The following NLRP14 variants were observed in gnomAD, a reference collection of about 807,000 sequenced individuals.
The protein encoded by NLRP14 is NLR family pyrin domain containing 14, also known as NACHT, LRR and PYD domains-containing protein 14.
A neutral mutation model predicts 94.7 loss-of-function variants in NLRP14; 105 were observed. That is an observed-to-expected ratio of 1.11 (90% confidence interval 0.95 to 1.30). NLRP14 has a LOEUF of 1.30. NLRP14 is among the 50% of genes most tolerant of loss of function. NLRP14 has a pLI of 0.00. For missense variants in NLRP14, 1,362 were observed against 1,254.1 expected (o/e 1.09, Z -1.30); for synonymous variants, 508 against 459.9 (o/e 1.10, Z -1.34).
intron 10 of NLRP14, among the ~76,000 whole-genome samples, chr11:7,068,138 T>C (rs1852734481): frequency 6.6e-6 from 1 of 152,166 alleles, no homozygotes; most frequent in Admixed American, 6.5e-5. Flanking sequence ...TCATTTCTGA[T>C]ATTGAATTTG....
chr11:7,089,461 G>A, the NLRP14 span: 4 of 1,317,402 alleles, frequency 3.0e-6, no homozygotes, highest in Non-Finnish European at 3.9e-6. Context: ...ACCCGCGGGG[G>A]TGGCGGCGGC....
At chr11:7,021,571 G>T (rs1851936219) in intron 1 of NLRP14, among the ~76,000 whole-genome samples, 1 of 152,112 alleles carries the variant, frequency 6.6e-6, no homozygotes, top group Non-Finnish European at 1.5e-5. Flanking sequence ...CTAGGTGGTG[G>T]TAAGCAAGTT....
the NLRP14 span, chr11:7,090,397 A>G: frequency 1.4e-5 from 19 of 1,396,538 alleles, no homozygotes; most frequent in Non-Finnish European, 1.7e-5. Context: ...TACAAGGAAG[A>G]GTTGTTTTTA....
chr11:7,054,705 C>A (rs1292181823), intron 6 of NLRP14, among the ~76,000 whole-genome samples: 4 of 151,906 alleles, frequency 2.6e-5, no homozygotes, highest in Admixed American at 1.3e-4. Context: ...CGTTATTAGC[C>A]CCTTGTCAAA....
intron 6 of NLRP14, among the ~76,000 whole-genome samples, chr11:7,053,986 T>G (rs1852481530): frequency 6.6e-6 from 1 of 152,198 alleles, no homozygotes; most frequent in Non-Finnish European, 1.5e-5. Flanking sequence ...ACCATCATTC[T>G]ACTCTCTATG....
At chr11:7,081,151 G>C in the NLRP14 span, among the ~76,000 whole-genome samples, 8 of 152,190 alleles carry the variant, frequency 5.3e-5, no homozygotes. Context: ...TTATGGTCAT[G>C]CTGACCTTAG....
At chr11:7,058,231 C>A (rs1383861472) in intron 7 of NLRP14, 49 bp from the exon 8 acceptor site, 1 of 1,506,820 alleles carries the variant, frequency 6.6e-7, no homozygotes, top group Non-Finnish European at 9.2e-7. Context: ...AGAAGAGAAG[C>A]ATGGGCTTTG....
At chr11:7,087,582 C>T in the NLRP14 span, among the ~76,000 whole-genome samples, 99,950 of 152,022 alleles carry the variant, frequency 0.66, 33,427 homozygotes, top group East Asian at 0.93. Flanking sequence ...GATATACACA[C>T]GTAAAATTAA....
chr11:7,078,253 A>G, the NLRP14 span, among the ~76,000 whole-genome samples: 4 of 151,616 alleles, frequency 2.6e-5, no homozygotes, highest in South Asian at 2.1e-4. Context: ...CCTGGCTAAC[A>G]TGGCAAAACC....
At chr11:7,078,202 G>T in the NLRP14 span, among the ~76,000 whole-genome samples, 3 of 151,950 alleles carry the variant, frequency 2.0e-5, no homozygotes, top group African/African-American at 4.8e-5. Flanking sequence ...ACTTTGGGAG[G>T]CCAAGACGGG....
the NLRP14 span, among the ~76,000 whole-genome samples, chr11:7,087,130 A>C: frequency 1.3e-5 from 2 of 152,274 alleles, no homozygotes; most frequent in African/African-American, 4.8e-5. Flanking sequence ...TCAGGAGCCA[A>C]AGCTCATTCT....
At chr11:7,067,111 A>T (rs1852716972) in intron 10 of NLRP14, among the ~76,000 whole-genome samples, 1 of 152,142 alleles carries the variant, frequency 6.6e-6, no homozygotes. Flanking sequence ...GTAGTCTTGT[A>T]GTACAGTTTG....
At chr11:7,049,209 C>T (rs1176929325) in intron 5 of NLRP14, among the ~76,000 whole-genome samples, 1 of 152,188 alleles carries the variant, frequency 6.6e-6, no homozygotes. Flanking sequence ...TTTGCTTGGG[C>T]TGCCTCCGTA....
intron 2 of NLRP14, among the ~76,000 whole-genome samples, chr11:7,039,474 C>T (rs1852214872): frequency 6.6e-6 from 1 of 152,018 alleles, no homozygotes; most frequent in South Asian, 2.1e-4. Context: ...ACACTATTTG[C>T]CCTGGAGCTA....
intron 1 of NLRP14, among the ~76,000 whole-genome samples, chr11:7,027,392 T>A (rs1209254835): frequency 1.3e-5 from 2 of 152,050 alleles, no homozygotes; most frequent in South Asian, 2.1e-4. Flanking sequence ...TTTATGGCTG[T>A]CTTCTTGTAG....
chr11:7,037,072 G>T (rs1852172273), intron 1 of NLRP14, among the ~76,000 whole-genome samples: 1 of 152,126 alleles, frequency 6.6e-6, no homozygotes, highest in Non-Finnish European at 1.5e-5. Flanking sequence ...GATACCTGCA[G>T]ATTTCTAGAA....
intron 1 of NLRP14, among the ~76,000 whole-genome samples, chr11:7,038,309 A>T (rs140572793): frequency 6.6e-6 from 1 of 152,222 alleles, no homozygotes; most frequent in African/African-American, 2.4e-5. Flanking sequence ...CTTTATTTAT[A>T]TAGCTCATAA....
rs568194782 is a variant in NLRP14 at position 7,059,895 on chromosome 11, C to T, written c.2635C>T (p.Leu879=). The T allele has an allele frequency of 2.5e-6, 4 of 1,611,308 alleles. No individual in the cohort carries two copies. The highest frequency in any genetic ancestry group is 3.4e-6 in the Non-Finnish European group (4 of 1,177,914). The change falls in exon 9 of 12, where the codon CTG becomes TTG. Residue 879 remains leucine, a splice_region_variant and synonymous_variant. Transcript: ENST00000299481. ...TTCTTCACATTGTCCTTCCTGTAGG[C>T]TGAGGCGTTGCCATTTCACTTCACT... The part of the protein sequence containing the change: ...HAQCTLKSLV[L]RRCHFTSLSS...
intron 1 of NLRP14, among the ~76,000 whole-genome samples, chr11:7,021,799 A>C (rs543662104): frequency 6.6e-6 from 1 of 151,522 alleles, no homozygotes; most frequent in Admixed American, 6.6e-5. Context: ...AATACATTAA[A>C]AAGCAATGTA....
Sources: gnomAD v4.1 joint callset for allele counts (sites outside exome capture counted in the v4.1 genomes callset) on GRCh38, gnomAD v4.1.1 for gene constraint, MANE v1.5 for transcripts, NCBI Gene and HGNC (gene_info 2026-07-23, HGNC 2026-07-21) for gene names.